The following TENM2 variants were observed in gnomAD, a reference collection of about 807,000 sequenced individuals.
TENM2 encodes teneurin-2.
A neutral mutation model predicts 245.2 loss-of-function variants in TENM2; 52 were observed. The observed-to-expected ratio is 0.21, with a 90% confidence interval of 0.17 to 0.27. The LOEUF (loss-of-function observed/expected upper bound fraction) is 0.27, where lower values mean the gene tolerates loss of function less well. TENM2 is among the 10% of genes least tolerant of loss of function. The pLI is 1.00. For synonymous variants in TENM2, 1,363 were observed against 1,438.9 expected, an observed-to-expected ratio of 0.95 and a Z score of 1.19; for missense variants, 3,046 against 3,666.8, an observed-to-expected ratio of 0.83 and a Z score of 4.37.
At chr5:167,671,352 C>T (rs1582708532) in intron 2 of TENM2, among the ~76,000 whole-genome samples, 1 of 152,136 alleles carries the variant, frequency 6.6e-6, no homozygotes, top group East Asian at 1.9e-4. Flanking sequence ...GTATCAGTCA[C>T]TCACACTATT....
intron 5 of TENM2, among the ~76,000 whole-genome samples, chr5:167,993,425 A>G (rs1783818805): frequency 1.3e-5 from 2 of 152,186 alleles, no homozygotes; most frequent in Admixed American, 1.3e-4. Flanking sequence ...CATCCTTACT[A>G]TATCCTTTCT....
intron 5 of TENM2, among the ~76,000 whole-genome samples, chr5:168,002,312 A>G (rs1320737860): frequency 6.6e-6 from 1 of 152,242 alleles, no homozygotes; most frequent in African/African-American, 2.4e-5. Context: ...TGTCTTTATA[A>G]AAGAAGGGCA....
At chr5:168,157,598 C>T (rs1015130163) in intron 12 of TENM2, among the ~76,000 whole-genome samples, 2 of 152,034 alleles carry the variant, frequency 1.3e-5, no homozygotes, top group African/African-American at 4.8e-5. Flanking sequence ...TTAGGCAGAA[C>T]TTGGTTGGAA....
rs182754490 is a variant in TENM2, at chr5:167,350,970, G to A, written c.227-24228G>A. On this transcript the variant is annotated intron_variant, in intron 1 of 28. Transcript: ENST00000518659. ...ATATACATATGGATATATATATGGG[G>A]TATATACATATGGATATATATATGG... 1.4e-4 allele frequency among the ~76,000 whole-genome samples: 10 copies of A among 69,906 alleles called. 2 individuals are homozygous for A. The highest frequency in any genetic ancestry group is 4.5e-4 in the East Asian group (1 of 2,240). 45.9% of individuals were successfully genotyped at this position (69,906 alleles called of 152,430 possible).
At chr5:167,180,609 A>G in the TENM2 span, among the ~76,000 whole-genome samples, 26 of 152,142 alleles carry the variant, frequency 1.7e-4, no homozygotes, top group Non-Finnish European at 3.5e-4. Context: ...AACTTAATTT[A>G]TAGCTTCCTG....
At chr5:167,074,400 G>A in the TENM2 span, among the ~76,000 whole-genome samples, 993 of 152,260 alleles carry the variant, frequency 6.5e-3, 6 homozygotes, top group Middle Eastern at 0.024. Context: ...GGTAAGGACA[G>A]GGTGAAGACA....
At chr5:167,362,675 TATATC>T (rs537741224) in intron 1 of TENM2, among the ~76,000 whole-genome samples, 58 of 152,348 alleles carry the variant, frequency 3.8e-4, no homozygotes, top group African/African-American at 1.3e-3. Context: ...TCTCTACTGA[TATATC>T]ATACTTTTTG....
chr5:167,846,680 C>A (rs1426143216), intron 2 of TENM2, among the ~76,000 whole-genome samples: 1 of 152,034 alleles, frequency 6.6e-6, no homozygotes, highest in Non-Finnish European at 1.5e-5. Flanking sequence ...CAAATTAATA[C>A]CCCCAAATAT....
chr5:168,234,695 C>G (rs548128887), intron 25 of TENM2, among the ~76,000 whole-genome samples: 21 of 152,222 alleles, frequency 1.4e-4, no homozygotes, highest in African/African-American at 4.6e-4. Context: ...AAAACTTCTA[C>G]CCTTTCCTAA....
At chr5:167,134,007 G>A in the TENM2 span, among the ~76,000 whole-genome samples, 9 of 152,130 alleles carry the variant, frequency 5.9e-5, no homozygotes, top group Non-Finnish European at 8.8e-5. Context: ...AGACCACAGA[G>A]GTAGAGAGCT....
chr5:167,557,606 AAT>A (rs1259943019), intron 2 of TENM2, among the ~76,000 whole-genome samples: 1 of 152,216 alleles, frequency 6.6e-6, no homozygotes, highest in Non-Finnish European at 1.5e-5. Flanking sequence ...CTGAGGTTAT[AAT>A]ATGAGCCCGA....
intron 25 of TENM2, among the ~76,000 whole-genome samples, chr5:168,233,751 C>T (rs1464699093): frequency 6.6e-6 from 1 of 152,122 alleles, no homozygotes; most frequent in Non-Finnish European, 1.5e-5. Flanking sequence ...TTTAATTGGA[C>T]TTACTTACAG....
rs1033194945 is a variant in TENM2, at chr5:167,607,768, A to G, written c.502+232295A>G. Among the ~76,000 whole-genome samples the G allele has an allele frequency of 2.6e-5, 4 of 152,308 alleles. 1 individual carries two copies. Among genetic ancestry groups the G allele is most frequent in the Admixed American group, 2.0e-4 (3 of 15,294 alleles). On this transcript the variant is annotated intron_variant, in intron 2 of 28. Coordinates refer to ENST00000518659, the Ensembl canonical transcript of TENM2. ...GTGCTAGATAAGAATGCAAAATGCA[A>G]TAAGATAGAGTCCCTGCCCTGTGTT...
At chr5:168,198,919 C>T in exon 16 of TENM2, 1 of 1,614,062 alleles carries the variant, frequency 6.2e-7, no homozygotes, top group South Asian at 1.1e-5. Flanking sequence ...CGTTCATGAG[C>T]CAGGAGCGCA....
the TENM2 span, among the ~76,000 whole-genome samples, chr5:167,106,454 C>G: frequency 6.6e-6 from 1 of 152,186 alleles, no homozygotes; most frequent in South Asian, 2.1e-4. Context: ...TTAATAACCT[C>G]TATTGCCAGG....
At position 167,510,737 on chromosome 5, in the gene TENM2, GTTGT is replaced by G. The variant is rs150214139; in HGVS notation, c.502+135276_502+135279del. ...TTTTAGTTGAGTTTAGTTTTTTGTT[GTTGT>G]TTGTTTGTTTGGACTGGGGAACTCC... is the stretch of plus-strand genomic sequence containing the variant. On this transcript the variant is annotated intron_variant, in intron 2 of 28. Coordinates refer to ENST00000518659, the Ensembl canonical transcript of TENM2. Among the ~76,000 whole-genome samples the G allele has an allele frequency of 4.3e-3, 649 of 152,172 alleles. 25 individuals are homozygous for G. The South Asian group carries it at 0.079, about 18-fold the overall frequency.
chr5:167,484,518 G>C (rs1452821389), intron 2 of TENM2, among the ~76,000 whole-genome samples: 1 of 152,152 alleles, frequency 6.6e-6, no homozygotes, highest in African/African-American at 2.4e-5. Flanking sequence ...CAACCCAGCA[G>C]ACACCTAGAT....
At chr5:167,741,693 C>A (rs1207142950) in intron 2 of TENM2, among the ~76,000 whole-genome samples, 1 of 152,130 alleles carries the variant, frequency 6.6e-6, no homozygotes, top group African/African-American at 2.4e-5. Context: ...CTCAGTCTAC[C>A]TTCTCACTTG....
the TENM2 span, among the ~76,000 whole-genome samples, chr5:167,149,139 G>A: frequency 1.3e-5 from 2 of 151,906 alleles, no homozygotes; most frequent in Admixed American, 6.6e-5. Context: ...TTTAACATTA[G>A]GTATATATCC....
Sources: gnomAD v4.1 joint callset for allele counts (sites outside exome capture counted in the v4.1 genomes callset) on GRCh38, gnomAD v4.1.1 for gene constraint, MANE v1.5 for transcripts, NCBI Gene and HGNC (gene_info 2026-07-23, HGNC 2026-07-21) for gene names.